FOCAD: variants seen among roughly 807,000 people sequenced by gnomAD.
FOCAD encodes the protein KIAA1797.
A neutral mutation model predicts 225.6 loss-of-function variants in FOCAD; 198 were observed. The ratio of observed to expected loss-of-function variants is 0.88; its 90% CI spans 0.78 to 0.99. The LOEUF (loss-of-function observed/expected upper bound fraction) is 0.99. Among genes scored for constraint, FOCAD ranks in the 50% least tolerant of loss-of-function variants. The pLI is 0.00. For missense variants in FOCAD, 2,713 were observed against 2,123.6 expected (o/e 1.28, Z -5.46); for synonymous variants, 897 against 755.0 (o/e 1.19, Z -3.08).
chr9:20,962,626 A>G (rs569045137), intron 35 of FOCAD, among the ~76,000 whole-genome samples: 1 of 152,254 alleles, frequency 6.6e-6, no homozygotes, highest in Admixed American at 6.5e-5. Flanking sequence ...GAATTGTGGC[A>G]TTGAGATCTG....
At chr9:20,764,817 C>G (rs1187293018) in intron 6 of FOCAD, 52 bp from the exon 7 acceptor site, 11 of 1,409,966 alleles carry the variant, frequency 7.8e-6, no homozygotes, top group Non-Finnish European at 1.1e-5. Flanking sequence ...CACTTACCTG[C>G]TTGATAGTGT....
intron 15 of FOCAD, among the ~76,000 whole-genome samples, chr9:20,823,319 C>T (rs1033421831): frequency 1.3e-5 from 2 of 152,034 alleles, no homozygotes; most frequent in African/African-American, 4.8e-5. Context: ...TGTAGGCATT[C>T]TCTAGAGATC....
intron 35 of FOCAD, among the ~76,000 whole-genome samples, chr9:20,974,737 T>G (rs796228153): frequency 6.8e-6 from 1 of 146,938 alleles, no homozygotes; most frequent in African/African-American, 2.6e-5. Flanking sequence ...TCTGTAGCTG[T>G]TTTTTTCCTG....
chr9:20,698,378 G>GCA (rs1304802255), intron 1 of FOCAD, among the ~76,000 whole-genome samples: 11 of 149,756 alleles, frequency 7.3e-5, no homozygotes, highest in East Asian at 5.9e-4. Context: ...ACACACACAC[G>GCA]CACACACACA....
intron 22 of FOCAD, 49 bp from the exon 23 acceptor site, chr9:20,912,817 C>T (rs907119609): frequency 6.8e-7 from 1 of 1,461,594 alleles, no homozygotes; most frequent in Admixed American, 1.7e-5. Flanking sequence ...ATTTTAAGAT[C>T]ACTTCAGCCA....
chr9:20,656,510 T>G (rs1457908483), upstream of FOCAD, among the ~76,000 whole-genome samples: 6 of 152,186 alleles, frequency 3.9e-5, no homozygotes, highest in South Asian at 6.2e-4. Context: ...CTTGTTGAAT[T>G]GATCCCTTTA....
rs1823221717 is a variant in FOCAD, at chr9:20,694,816, C to G, written c.-33+10523C>G. On this transcript the variant is annotated intron_variant, in intron 1 of 43. Coordinates refer to ENST00000338382, the MANE Select transcript of FOCAD (RefSeq NM_001375567.1). ...GTACTATTACTAGGCCATTCATTAA[C>G]AACCCTAACAAAATTAATACCAATT... Among the ~76,000 whole-genome samples the G allele has an allele frequency of 2.0e-5, 3 of 152,264 alleles. No homozygotes were observed. The South Asian group carries it at 6.2e-4, about 32-fold the overall frequency.
chr9:20,778,822 C>G (rs1163681738), intron 9 of FOCAD, 54 bp downstream of exon 9: 3 of 1,016,618 alleles, frequency 3.0e-6, no homozygotes, highest in Admixed American at 3.6e-5. Context: ...TGAGTATTGA[C>G]AGGATTCACT....
intron 10 of FOCAD, among the ~76,000 whole-genome samples, chr9:20,784,532 G>C (rs1819717967): frequency 6.6e-6 from 1 of 152,188 alleles, no homozygotes; most frequent in Non-Finnish European, 1.5e-5. Flanking sequence ...AGTGGAAAAG[G>C]AGACTTAAAA....
intron 25 of FOCAD, among the ~76,000 whole-genome samples, chr9:20,925,401 C>T (rs1023895171): frequency 1.3e-5 from 2 of 152,122 alleles, no homozygotes; most frequent in African/African-American, 4.8e-5. Context: ...TTACTTTCTC[C>T]TCCACCCCAA....
At chr9:20,781,066 T>C (rs1044974832) in intron 9 of FOCAD, among the ~76,000 whole-genome samples, 1 of 152,244 alleles carries the variant, frequency 6.6e-6, no homozygotes, top group Non-Finnish European at 1.5e-5. Flanking sequence ...TACATCACTT[T>C]GAAAAAAATA....
At chr9:20,812,604 T>A (rs1823210652) in intron 11 of FOCAD, among the ~76,000 whole-genome samples, 1 of 152,064 alleles carries the variant, frequency 6.6e-6, no homozygotes. Context: ...TTCTTTATGT[T>A]TTGTCCAATT....
At chr9:20,790,625 G>A (rs1488736175) in intron 11 of FOCAD, among the ~76,000 whole-genome samples, 1 of 152,092 alleles carries the variant, frequency 6.6e-6, no homozygotes, top group African/African-American at 2.4e-5. Flanking sequence ...TCAAAAATTA[G>A]TCGGGTGCAG....
intron 41 of FOCAD, 57 bp from the exon 42 acceptor site, chr9:20,990,066 G>GTTAAATTGAAT: frequency 5.6e-6 from 9 of 1,601,382 alleles, no homozygotes; most frequent in Non-Finnish European, 6.0e-6. Context: ...ATGTGAACAT[G>GTTAAATTGAAT]TGTTACTTTG....
At chr9:20,870,848 T>G (rs569381995) in intron 18 of FOCAD, among the ~76,000 whole-genome samples, 1 of 152,342 alleles carries the variant, frequency 6.6e-6, no homozygotes, top group East Asian at 1.9e-4. Context: ...ATGGGTTTAT[T>G]GGGACATAAC....
At chr9:20,805,021 C>G (rs1822265931) in intron 11 of FOCAD, among the ~76,000 whole-genome samples, 1 of 152,188 alleles carries the variant, frequency 6.6e-6, no homozygotes, top group South Asian at 2.1e-4. Context: ...TCTTTTGTAA[C>G]ATGTCATGCA....
intron 12 of FOCAD, 29 bp from the exon 13 acceptor site, chr9:20,820,295 G>A: frequency 1.3e-6 from 2 of 1,529,574 alleles, no homozygotes; most frequent in Non-Finnish European, 1.8e-6. Flanking sequence ...TCAAGTTTAT[G>A]CAACTAGAGT....
Position 20,978,347 on chromosome 9 carries a change from A to G in FOCAD, c.4270A>G (p.Ile1424Val), listed in dbSNP as rs781240550. ...PLMRLNFGEEIQQLCLEIMVT... is the reference protein window; with the variant it reads ...PLMRLNFGEEVQQLCLEIMVT... ...CCTTTCTTGACTTTCAGGTGAAGAG[A>G]TCCAGCAACTGTGCCTTGAAATTAT... The change falls in exon 37 of 44, where the codon ATC becomes GTC. Residue 1424 changes from isoleucine (I) to valine (V), a missense_variant. Physicochemically the swap from Ile to Val is conservative, Grantham distance 29. Coordinates refer to ENST00000338382, the MANE Select transcript of FOCAD (RefSeq NM_001375567.1). The G allele has an allele frequency of 6.2e-7, 1 of 1,601,248 alleles. No individual in the cohort carries two copies. Among genetic ancestry groups the G allele is most frequent in the South Asian group, 1.1e-5 (1 of 89,264 alleles).
chr9:20,798,834 G>A (rs1227027079), intron 11 of FOCAD, among the ~76,000 whole-genome samples: 1 of 151,868 alleles, frequency 6.6e-6, no homozygotes, highest in Non-Finnish European at 1.5e-5. Flanking sequence ...AGGGTTTTTT[G>A]TGTCTCTATT....
Sources: allele counts gnomAD v4.1 joint callset (sites outside exome capture counted in the v4.1 genomes callset), GRCh38; gene constraint gnomAD v4.1.1; transcripts MANE v1.5; gene names NCBI Gene and HGNC (gene_info 2026-07-23, HGNC 2026-07-21).